ZNF454: variants seen among roughly 807,000 people sequenced by gnomAD.
The protein encoded by ZNF454 is zinc finger protein 454.
Under a neutral mutation model 48.2 loss-of-function variants are expected in ZNF454, and 30 were observed. The observed-to-expected ratio is 0.62, with a 90% CI of 0.47 to 0.84. The LOEUF is 0.84. Among genes scored for constraint, ZNF454 ranks in the 40% least tolerant of loss-of-function variants. The pLI, the probability that ZNF454 is intolerant of heterozygous loss-of-function variation, is 0.00. For missense variants in ZNF454, 510 were observed against 623.1 expected, an observed-to-expected ratio of 0.82 and a Z score of 1.93; for synonymous variants, 204 against 211.4, an observed-to-expected ratio of 0.97 and a Z score of 0.30.
chr5:178,975,705 G>A, the ZNF454 span: 31 of 429,420 alleles, frequency 7.2e-5, 1 homozygote, highest in Middle Eastern at 3.4e-4. Context: ...TGCCTCAGGT[G>A]ACGGTTAGCT....
intron 4 of ZNF454, among the ~76,000 whole-genome samples, chr5:178,947,524 G>T (rs1339910885): frequency 6.6e-6 from 1 of 152,192 alleles, no homozygotes; most frequent in Non-Finnish European, 1.5e-5. Flanking sequence ...TGGAGCCCAG[G>T]TTATTGTATA....
the ZNF454 span, among the ~76,000 whole-genome samples, chr5:178,987,667 G>A: frequency 6.6e-6 from 1 of 152,150 alleles, no homozygotes; most frequent in Non-Finnish European, 1.5e-5. Context: ...GGAGGGGATG[G>A]GGAAGTGTTT....
chr5:178,975,608 T>C, the ZNF454 span: 36 of 339,222 alleles, frequency 1.1e-4, no homozygotes, highest in African/African-American at 6.6e-4. Context: ...AACCCTCCAG[T>C]GTCTCCTCTT....
At chr5:178,975,742 T>C in the ZNF454 span, 3 of 406,268 alleles carry the variant, frequency 7.4e-6, no homozygotes, top group African/African-American at 6.2e-5. Context: ...CAGGCTATGG[T>C]ACTCAGTTAC....
the ZNF454 span, chr5:178,986,220 G>A: frequency 6.2e-7 from 1 of 1,614,204 alleles, no homozygotes; most frequent in Non-Finnish European, 8.5e-7. Flanking sequence ...CCTGCTCAAA[G>A]ATGCGGTAGA....
intron 4 of ZNF454, among the ~76,000 whole-genome samples, chr5:178,952,873 TTTCC>T (rs1759613229): frequency 6.6e-6 from 1 of 152,212 alleles, no homozygotes; most frequent in Admixed American, 6.5e-5. Context: ...TTCTTCACTG[TTTCC>T]TTCAACTTTT....
chr5:178,981,425 C>A, the ZNF454 span: 3 of 515,584 alleles, frequency 5.8e-6, no homozygotes, highest in Non-Finnish European at 3.5e-6. The surrounding 1 kb of genome is among the most constrained non-coding windows in gnomAD (Gnocchi z 5.1). Context: ...CTGTTTCCCA[C>A]CATGGGAAGC....
Position 178,946,547 on chromosome 5 carries a change from T to G in ZNF454, c.160+62T>G. The G allele has an allele frequency of 6.5e-7, 1 of 1,538,576 alleles. No individual in the cohort carries two copies. The highest frequency in any genetic ancestry group is 8.7e-7 in the Non-Finnish European group (1 of 1,146,932). On this transcript the variant is annotated intron_variant, in intron 3 of 4. Transcript: ENST00000519564. This position sits in a 1 kb window ranked among gnomAD's most constrained non-coding sequence, Gnocchi z 4.5. ...GGGGATCTCTTTGGGACCCTTACAT[T>G]GACACCATATAGAAGAGTCGGTTGG...
the ZNF454 span, chr5:178,975,646 A>T: frequency 2.7e-6 from 1 of 377,314 alleles, no homozygotes; most frequent in South Asian, 1.9e-5. Flanking sequence ...AAAGTCCTTG[A>T]TTTTAGTGGC....
chr5:178,957,096 G>A (rs1433382513), intron 4 of ZNF454, among the ~76,000 whole-genome samples: 1 of 151,832 alleles, frequency 6.6e-6, no homozygotes, highest in Non-Finnish European at 1.5e-5. Context: ...GTTGGCCAGG[G>A]TGGTCTCGAT....
At chr5:178,989,864 G>T in the ZNF454 span, 2 of 267,176 alleles carry the variant, frequency 7.5e-6, no homozygotes, top group East Asian at 9.4e-5. Flanking sequence ...AATGGACAGA[G>T]CCCAGGGCTT....
Position 178,965,783 on chromosome 5 carries a change from G to T in ZNF454, c.1379G>T (p.Arg460Ile). Residue 460 changes from arginine (R) to isoleucine (I), a missense_variant, in exon 5 of 5, where the codon AGA becomes ATA. Coordinates refer to ENST00000519564, the MANE Select transcript of ZNF454 (RefSeq NM_001178089.3). The surrounding 1 kb of genome is among the most constrained non-coding windows in gnomAD (Gnocchi z 5.2). ...CATTCAGCCCTTACCCAACATAAGA[G>T]AATTCATACTAGGGAAAAACCTTAC... is the stretch of plus-strand genomic sequence containing the variant. Reference protein sequence around the residue: ...SDHSALTQHKRIHTREKPYKC... With the variant: ...SDHSALTQHKIIHTREKPYKC... 1 of 1,614,122 alleles carries T rather than the reference G, an allele frequency of 6.2e-7. No homozygotes were observed. The highest frequency in any genetic ancestry group is 1.7e-5 in the Admixed American group (1 of 60,010).
the ZNF454 span, among the ~76,000 whole-genome samples, chr5:178,976,396 AG>A: frequency 6.6e-6 from 1 of 152,190 alleles, no homozygotes; most frequent in South Asian, 2.1e-4. Context: ...GATGTATCCC[AG>A]GTGCTTAGCA....
At chr5:178,961,163 T>A (rs2113266909) in intron 4 of ZNF454, among the ~76,000 whole-genome samples, 1 of 151,518 alleles carries the variant, frequency 6.6e-6, no homozygotes, top group Admixed American at 6.6e-5. Flanking sequence ...TCTCTTGACC[T>A]CGTGATCTGT....
At position 178,946,880 on chromosome 5, in the gene ZNF454, T is replaced by C; in HGVS notation, c.161-17T>C. On this transcript the variant is annotated splice_polypyrimidine_tract_variant and intron_variant, in intron 3 of 4. Coordinates refer to ENST00000519564, the MANE Select transcript of ZNF454 (RefSeq NM_001178089.3). This position sits in a 1 kb window ranked among gnomAD's most constrained non-coding sequence, Gnocchi z 4.5. ...TATAAACAGATGTGGTTCATTTTTG[T>C]CTCCCCTTAAAAACAGGACTCTTAG... 6.2e-7 allele frequency: 1 copy of C among 1,608,054 alleles called. No individual in the cohort carries two copies. Among genetic ancestry groups the C allele is most frequent in the Non-Finnish European group, 8.5e-7 (1 of 1,175,512 alleles).
chr5:178,950,866 T>G (rs1406998768), intron 4 of ZNF454, among the ~76,000 whole-genome samples: 2 of 151,788 alleles, frequency 1.3e-5, no homozygotes, highest in Non-Finnish European at 2.9e-5. Flanking sequence ...TCTTTCTTTT[T>G]TTTTTTTTTG....
In ZNF454 at chr5:178,965,737, T is replaced by C. The variant is rs1760128882; in HGVS notation, c.1333T>C (p.Cys445Arg). ...GGAAAAACCTTATACATGTAACATA[T>C]GTGAAAAAGCCTTCAGTGACCATTC... Reference protein sequence around the residue: ...TGEKPYTCNICEKAFSDHSAL... With the variant: ...TGEKPYTCNIREKAFSDHSAL... The change falls in exon 5 of 5, where the codon TGT becomes CGT. Residue 445 changes from cysteine (C) to arginine (R), a missense_variant. Cys to Arg is a radical substitution (Grantham distance 180). Transcript: ENST00000519564. This position sits in a 1 kb window ranked among gnomAD's most constrained non-coding sequence, Gnocchi z 5.2. 6.2e-7 allele frequency: 1 copy of C among 1,614,048 alleles called. No individual in the cohort carries two copies. Among genetic ancestry groups the C allele is most frequent in the South Asian group, 1.1e-5 (1 of 91,088 alleles).
chr5:178,969,171 C>G (rs548123975), downstream of ZNF454, among the ~76,000 whole-genome samples: 1 of 152,262 alleles, frequency 6.6e-6, no homozygotes, highest in African/African-American at 2.4e-5. Flanking sequence ...GCCTTCTCGA[C>G]TAGGGGAGGG....
At chr5:178,973,851 A>G in the ZNF454 span, among the ~76,000 whole-genome samples, 1 of 150,270 alleles carries the variant, frequency 6.7e-6, no homozygotes, top group African/African-American at 2.5e-5. Flanking sequence ...TCAAAAAAAA[A>G]AAAAAAAAAG....
Sources: allele counts gnomAD v4.1 joint callset (sites outside exome capture counted in the v4.1 genomes callset), GRCh38; gene constraint gnomAD v4.1.1; non-coding constraint Gnocchi (gnomAD v3.1); transcripts MANE v1.5; gene names NCBI Gene and HGNC (gene_info 2026-07-23, HGNC 2026-07-21).